The following DNAH10 variants were observed in gnomAD, a reference collection of about 807,000 sequenced individuals.
The protein encoded by DNAH10 is axonemal beta dynein heavy chain 10.
DNAH10 carries 348 observed loss-of-function variants against 506.6 expected under a neutral mutation model. The ratio of observed to expected loss-of-function variants is 0.69; its 90% CI spans 0.63 to 0.75. DNAH10 has a LOEUF of 0.75. DNAH10 is among the 30% of genes least tolerant of loss of function. DNAH10 has a pLI of 0.00. For missense variants in DNAH10, 5,179 were observed against 5,787.1 expected (o/e 0.89, Z 3.41); for synonymous variants, 2,059 against 2,198.6 (o/e 0.94, Z 1.78).
Position 123,762,704 on chromosome 12 carries a change from G to A in DNAH10, c.214+154G>A, listed in dbSNP as rs1956873745. On this transcript the variant is annotated intron_variant, in intron 1 of 78. Coordinates refer to ENST00000673944, the MANE Select transcript of DNAH10 (RefSeq NM_001372106.1). The surrounding 1 kb of genome is among the most constrained non-coding windows in gnomAD (Gnocchi z 5.0). ...TGCCGCCCGCCACGTGCAGGCCCCG[G>A]GCGAACCCAGCAATCACAGCCGTCC... 6.6e-6 allele frequency among the ~76,000 whole-genome samples: 1 copy of A among 152,130 alleles called. No individual in the cohort carries two copies. Among genetic ancestry groups the A allele is most frequent in the East Asian group, 1.9e-4 (1 of 5,168 alleles).
At chr12:123,779,104 C>T (rs1380592078) in intron 5 of DNAH10, among the ~76,000 whole-genome samples, 1 of 152,120 alleles carries the variant, frequency 6.6e-6, no homozygotes, top group Non-Finnish European at 1.5e-5. Context: ...GGGTTTTCAC[C>T]ATGTTAGCCA....
At chr12:123,877,689 A>C (rs768582671) in intron 47 of DNAH10, 47 bp from the exon 48 acceptor site, 1 of 1,563,768 alleles carries the variant, frequency 6.4e-7, no homozygotes, top group Non-Finnish European at 8.6e-7. Context: ...TCACTCATCT[A>C]CTGAAGGACA....
At chr12:123,885,478 T>C (rs1268397988) in intron 51 of DNAH10, among the ~76,000 whole-genome samples, 1 of 152,226 alleles carries the variant, frequency 6.6e-6, no homozygotes, top group African/African-American at 2.4e-5. Flanking sequence ...TCATTTTTTT[T>C]TCCCTATAGG....
intron 49 of DNAH10, 103 bp downstream of exon 49, chr12:123,879,460 A>G: frequency 6.9e-7 from 1 of 1,459,078 alleles, no homozygotes; most frequent in Admixed American, 2.1e-5. Flanking sequence ...AAAAATAGGC[A>G]CGAAAGGTCA....
chr12:123,837,977 C>T (rs527495288), intron 28 of DNAH10, among the ~76,000 whole-genome samples: 1 of 152,150 alleles, frequency 6.6e-6, no homozygotes, highest in Non-Finnish European at 1.5e-5. Context: ...TTATCACTCA[C>T]AGCAGATGAT....
At chr12:123,793,514 A>G (rs1365298488) in intron 11 of DNAH10, among the ~76,000 whole-genome samples, 1 of 151,796 alleles carries the variant, frequency 6.6e-6, no homozygotes, top group Non-Finnish European at 1.5e-5. Context: ...AATTTTTTGT[A>G]TTGTTAGTAG....
chr12:123,886,256 A>C (rs1319676618), intron 51 of DNAH10, among the ~76,000 whole-genome samples: 1 of 152,074 alleles, frequency 6.6e-6, no homozygotes, highest in African/African-American at 2.4e-5. Context: ...AGGGACAGAG[A>C]TCTGGAGGAG....
At chr12:123,908,382 C>T (rs1357042187) in intron 57 of DNAH10, 2 of 456,088 alleles carry the variant, frequency 4.4e-6, no homozygotes, top group Non-Finnish European at 8.8e-6. Flanking sequence ...CCTGGCCGCC[C>T]CCACACTGCA....
Position 123,934,673 on chromosome 12 carries a change from A to G in DNAH10, c.13530A>G (p.Lys4510=). The G allele has an allele frequency of 6.2e-7, 1 of 1,613,772 alleles. No individual in the cohort carries two copies. Among genetic ancestry groups the G allele is most frequent in the Non-Finnish European group, 8.5e-7 (1 of 1,179,780 alleles). Residue 4510 remains lysine (K), a synonymous_variant, in exon 78 of 79, where the codon AAA becomes AAG. Transcript: ENST00000673944. ...YLEGADWDIE[K]GCLIKSKPKV... is the part of the protein sequence containing the mutation. ...AAGGTGCTGACTGGGATATAGAAAA[A>G]GGATGTCTTATCAAGAGCAAACCCA...
chr12:123,933,266 C>G, intron 76 of DNAH10, 65 bp from the exon 77 acceptor site: 1 of 1,328,692 alleles, frequency 7.5e-7, no homozygotes, highest in Middle Eastern at 2.9e-4. Context: ...AACTTCCAGG[C>G]CAGCTTTGAC....
At chr12:123,779,384 G>A (rs942559918) in intron 5 of DNAH10, among the ~76,000 whole-genome samples, 1 of 152,066 alleles carries the variant, frequency 6.6e-6, no homozygotes, top group Non-Finnish European at 1.5e-5. Context: ...GTCCTGATGG[G>A]TCATTTCTGG....
At position 123,928,082 on chromosome 12, in the gene DNAH10, C is replaced by T. The variant is rs1241922663; in HGVS notation, c.12106-305C>T. 4.0e-6 allele frequency: 2 copies of T among 503,580 alleles called. No homozygotes were observed. Among genetic ancestry groups the T allele is most frequent in the East Asian group, 7.0e-5 (2 of 28,532 alleles). The allele number at this position is 503,580 out of a possible 1,614,324, so 31.2% of individuals were successfully genotyped here. ...TCTCTTGCAGCCCTGCTCAGGAGTC[C>T]TCAGGGGACAGGAGCGACTGTGTGG... is the stretch of plus-strand genomic sequence containing the variant. On this transcript the variant is annotated intron_variant, in intron 69 of 78. Transcript: ENST00000673944. This position sits in a 1 kb window ranked among gnomAD's most constrained non-coding sequence, Gnocchi z 4.9.
At chr12:123,833,392 G>C (rs1232232150) in intron 27 of DNAH10, 45 bp downstream of exon 27, 2 of 1,473,980 alleles carry the variant, frequency 1.4e-6, no homozygotes, top group Non-Finnish European at 1.9e-6. Flanking sequence ...CCAGTGCATA[G>C]CAGTGGCTTT....
intron 23 of DNAH10, among the ~76,000 whole-genome samples, chr12:123,819,509 G>C (rs1959205140): frequency 6.6e-6 from 1 of 151,574 alleles, no homozygotes; most frequent in Admixed American, 6.6e-5. Flanking sequence ...CACTCCTGTG[G>C]GGGATACAGA....
rs1455422144 is a variant in DNAH10 at position 123,898,779 on chromosome 12, C to G, written c.9605C>G (p.Ala3202Gly). 6.2e-7 allele frequency: 1 copy of G among 1,612,212 alleles called. No homozygotes were observed. Among genetic ancestry groups the G allele is most frequent in the African/African-American group, 1.3e-5 (1 of 74,978 alleles). Residue 3202 changes from alanine (A) to glycine (G), a missense_variant, in exon 56 of 79, where the codon GCC becomes GGC. Around this residue, in one of 3 missense-constraint regions of DNAH10, gnomAD observed 4,844 missense variants for 5,430.5 expected, o/e 0.89. Transcript: ENST00000673944. Reference sequence around the variant, plus strand: ...GCGGAGAAGTCCGCCGCCTGCGAGGCCTTGCTGGAGGAGATCGCCGTCAAC... The same window carrying G: ...GCGGAGAAGTCCGCCGCCTGCGAGGGCTTGCTGGAGGAGATCGCCGTCAAC... ...VLAEKSAACEALLEEIAVNTA... is the reference protein window; with the variant it reads ...VLAEKSAACEGLLEEIAVNTA...
At chr12:123,857,389 A>C (rs1951437449) in intron 37 of DNAH10, 142 bp downstream of exon 37, 3 of 741,118 alleles carry the variant, frequency 4.0e-6, no homozygotes, top group Non-Finnish European at 6.0e-6. Flanking sequence ...TTTAAATCAC[A>C]GTAAAATACA....
At chr12:123,856,625 C>T (rs1420721767) in intron 36 of DNAH10, among the ~76,000 whole-genome samples, 2 of 150,642 alleles carry the variant, frequency 1.3e-5, no homozygotes, top group African/African-American at 2.4e-5. Flanking sequence ...AGCCACTGCA[C>T]CCGGCCATAT....
chr12:123,922,539 C>T (rs1417819390), intron 65 of DNAH10, among the ~76,000 whole-genome samples: 14 of 152,192 alleles, frequency 9.2e-5, no homozygotes, highest in Non-Finnish European at 1.8e-4. Context: ...ATTTTCCATG[C>T]ACCAGCGTTT....
intron 47 of DNAH10, among the ~76,000 whole-genome samples, chr12:123,877,440 T>A (rs113367703): frequency 6.6e-6 from 1 of 152,102 alleles, no homozygotes; most frequent in African/African-American, 2.4e-5. Context: ...GCCTCCTGAG[T>A]AGCAGGAATT....
Sources: allele counts gnomAD v4.1 joint callset (sites outside exome capture counted in the v4.1 genomes callset), GRCh38; gene constraint gnomAD v4.1.1; regional missense constraint gnomAD v4.1.1; non-coding constraint Gnocchi (gnomAD v3.1); transcripts MANE v1.5; gene names NCBI Gene and HGNC (gene_info 2026-07-23, HGNC 2026-07-21).